Variants in PKNOX2 observed in about 807,000 individuals in gnomAD.
The protein encoded by PKNOX2 is PBX/knotted 1 homeobox 2, also known as homeobox protein PKNOX2.
In PKNOX2, 14 loss-of-function variants were observed where a neutral mutation model predicts 53.1. The observed-to-expected ratio is 0.26, with a 90% confidence interval of 0.17 to 0.41. The LOEUF (loss-of-function observed/expected upper bound fraction) is 0.41, where lower values mean the gene tolerates loss of function less well. Among genes scored for constraint, PKNOX2 ranks in the 10% least tolerant of loss-of-function variants. The pLI is 1.00. For missense variants in PKNOX2, 496 were observed against 602.8 expected, an observed-to-expected ratio of 0.82 and a Z score of 1.85; for synonymous variants, 257 against 242.8, an observed-to-expected ratio of 1.06 and a Z score of -0.54.
intron 2 of PKNOX2, among the ~76,000 whole-genome samples, chr11:125,253,549 ACTTC>A (rs1213880053): frequency 6.6e-6 from 1 of 151,978 alleles, no homozygotes; most frequent in East Asian, 1.9e-4. Flanking sequence ...CAGAGCTAGG[ACTTC>A]CTTCCTCCCT....
At position 125,212,449 on chromosome 11, in the gene PKNOX2, C is replaced by CTT. The variant is rs796083611; in HGVS notation, c.-200-22574_-200-22573dup. 1.7e-3 allele frequency among the ~76,000 whole-genome samples: 180 copies of CTT among 105,352 alleles called. 2 individuals are homozygous for CTT. Among genetic ancestry groups the CTT allele is most frequent in the African/African-American group, 5.0e-3 (147 of 29,140 alleles). The allele number at this position is 105,352 out of a possible 152,430, so 69.1% of individuals were successfully genotyped here. A position where few individuals can be genotyped will look rare whatever the true frequency, so the allele number is the denominator to read the frequency against. ...CTGGACAGAAGAATAGGAGGGGATT[C>CTT]TTTTTTTTTTTTTTTTTTTTTTTGA... On this transcript the variant is annotated intron_variant, in intron 1 of 12. Transcript: ENST00000298282.
At chr11:125,363,693 CA>C (rs896598318) in intron 4 of PKNOX2, among the ~76,000 whole-genome samples, 1 of 152,180 alleles carries the variant, frequency 6.6e-6, no homozygotes, top group Admixed American at 6.5e-5. Flanking sequence ...CTGGAGTGGC[CA>C]GTTCTGAGAC....
At chr11:125,385,823 G>C in intron 6 of PKNOX2, 101 bp downstream of exon 6, 1 of 1,373,744 alleles carries the variant, frequency 7.3e-7, no homozygotes, top group South Asian at 1.4e-5. Context: ...ACCAACAAAA[G>C]GTTTTGAGTG....
intron 2 of PKNOX2, among the ~76,000 whole-genome samples, chr11:125,296,860 T>A (rs749878946): frequency 1.5e-4 from 23 of 152,162 alleles, no homozygotes; most frequent in Non-Finnish European, 2.4e-4. Flanking sequence ...GGTCTTGATC[T>A]CTTGATCATG....
chr11:125,184,641 G>A (rs976773143), intron 1 of PKNOX2, among the ~76,000 whole-genome samples: 3 of 152,180 alleles, frequency 2.0e-5, no homozygotes, highest in Non-Finnish European at 4.4e-5. Flanking sequence ...GCTCCTTGCT[G>A]GGTAGAGGCT....
chr11:125,386,195 G>A (rs575033070), intron 6 of PKNOX2, among the ~76,000 whole-genome samples: 1 of 152,348 alleles, frequency 6.6e-6, no homozygotes, highest in African/African-American at 2.4e-5. Flanking sequence ...GTGCTGAGGA[G>A]ACCAGTGGAG....
intron 1 of PKNOX2, among the ~76,000 whole-genome samples, chr11:125,173,769 G>A (rs1432972862): frequency 1.1e-4 from 17 of 152,202 alleles, no homozygotes; most frequent in Admixed American, 1.1e-3. Flanking sequence ...GGTGTAAGCT[G>A]GACCCCTGGG....
At chr11:125,230,830 C>G (rs1308266916) in intron 1 of PKNOX2, among the ~76,000 whole-genome samples, 4 of 152,158 alleles carry the variant, frequency 2.6e-5, no homozygotes, top group African/African-American at 9.7e-5. Context: ...AAAGGTGCTA[C>G]TGTTAGCACA....
chr11:125,416,859 T>C (rs1056371800), intron 10 of PKNOX2, among the ~76,000 whole-genome samples: 3 of 152,060 alleles, frequency 2.0e-5, no homozygotes, highest in Non-Finnish European at 4.4e-5. Flanking sequence ...GTTCCCTTTG[T>C]CCTATGTCTG....
At chr11:125,410,095 G>C (rs1052899906) in intron 7 of PKNOX2, 101 bp from the exon 8 acceptor site, 27 of 1,470,374 alleles carry the variant, frequency 1.8e-5, no homozygotes, top group African/African-American at 5.6e-5. Flanking sequence ...GAAGGAGGGA[G>C]GGGGGCAGGC....
intron 2 of PKNOX2, among the ~76,000 whole-genome samples, chr11:125,331,267 C>T (rs1465837133): frequency 6.6e-6 from 1 of 152,228 alleles, no homozygotes; most frequent in South Asian, 2.1e-4. Context: ...TTAGCCTTTA[C>T]TGCTAAGTGC....
intron 6 of PKNOX2, among the ~76,000 whole-genome samples, chr11:125,393,099 G>A (rs956880998): frequency 2.0e-5 from 3 of 150,724 alleles, no homozygotes; most frequent in African/African-American, 7.4e-5. Flanking sequence ...GGTGGAGCTT[G>A]CAGTGAGTCG....
chr11:125,334,275 T>C (rs567863993), intron 3 of PKNOX2, among the ~76,000 whole-genome samples: 4 of 152,094 alleles, frequency 2.6e-5, no homozygotes, highest in Admixed American at 6.6e-5. Flanking sequence ...TCCTCTGAGG[T>C]GGGGATTTTC....
At chr11:125,180,773 T>TTTCA (rs1956116316) in intron 1 of PKNOX2, among the ~76,000 whole-genome samples, 1 of 152,210 alleles carries the variant, frequency 6.6e-6, no homozygotes, top group East Asian at 1.9e-4. Context: ...CACTCCAAGA[T>TTTCA]CTCTGCTGCT....
rs182601508 is a variant in PKNOX2, at chr11:125,299,481, G to T, written c.-129-32338G>T. 1.9e-3 allele frequency among the ~76,000 whole-genome samples: 290 copies of T among 152,264 alleles called. 1 individual carries two copies. The highest frequency in any genetic ancestry group is 3.0e-3 in the Non-Finnish European group (201 of 68,016). On this transcript the variant is annotated intron_variant, in intron 2 of 12. Transcript: ENST00000298282. ...TGGAGAGCTGACTGAGGCCAGGGAA[G>T]GGCGGGGTGACAGAGGAAGCTGTGC...
chr11:125,365,065 G>T (rs1025073002), intron 4 of PKNOX2, among the ~76,000 whole-genome samples: 2 of 152,034 alleles, frequency 1.3e-5, no homozygotes, highest in Non-Finnish European at 2.9e-5. Flanking sequence ...ATTGCTTGTA[G>T]TTTGGCCCTT....
At chr11:125,221,869 A>C (rs1320893198) in intron 1 of PKNOX2, among the ~76,000 whole-genome samples, 4 of 152,182 alleles carry the variant, frequency 2.6e-5, no homozygotes, top group Non-Finnish European at 5.9e-5. Flanking sequence ...AAATGACAGT[A>C]GTGCCATGAC....
chr11:125,361,683 G>A (rs1011959498), intron 4 of PKNOX2, among the ~76,000 whole-genome samples: 9 of 152,040 alleles, frequency 5.9e-5, no homozygotes, highest in African/African-American at 1.9e-4. Context: ...TTTACATTAC[G>A]TATATCTCCT....
At chr11:125,340,508 T>C (rs768023986) in intron 3 of PKNOX2, among the ~76,000 whole-genome samples, 3 of 152,104 alleles carry the variant, frequency 2.0e-5, no homozygotes, top group Non-Finnish European at 4.4e-5. Flanking sequence ...CACCCACGAA[T>C]GGGAACAACC....
Sources: gnomAD v4.1 joint callset for allele counts (sites outside exome capture counted in the v4.1 genomes callset) on GRCh38, gnomAD v4.1.1 for gene constraint, MANE v1.5 for transcripts, NCBI Gene and HGNC (gene_info 2026-07-23, HGNC 2026-07-21) for gene names.